The following HSPA12A variants were observed in gnomAD, a reference collection of about 807,000 sequenced individuals.
HSPA12A encodes heat shock protein family A (Hsp70) member 12A, also known as heat shock 70 kDa protein 12A.
A neutral mutation model predicts 69.2 loss-of-function variants in HSPA12A; 28 were observed. The observed-to-expected ratio is 0.40, with a 90% confidence interval of 0.30 to 0.55. HSPA12A has a LOEUF of 0.55. Among genes scored for constraint, HSPA12A ranks in the 20% least tolerant of loss-of-function variants. HSPA12A has a pLI of 0.38. For missense variants in HSPA12A, 686 were observed against 900.7 expected, an observed-to-expected ratio of 0.76 and a Z score of 3.05; for synonymous variants, 345 against 370.5, an observed-to-expected ratio of 0.93 and a Z score of 0.79.
chr10:116,692,595 A>C, intron 5 of HSPA12A, 128 bp from the exon 6 acceptor site: 1 of 687,818 alleles, frequency 1.5e-6, no homozygotes, highest in Non-Finnish European at 2.6e-6. Context: ...GGTCCCCCAA[A>C]CTTACCAGCA....
intron 2 of HSPA12A, among the ~76,000 whole-genome samples, chr10:116,752,296 T>C (rs1375343942): frequency 2.0e-5 from 3 of 152,242 alleles, no homozygotes; most frequent in Non-Finnish European, 4.4e-5. Context: ...AATGGGGCTA[T>C]GCCCTCTTTC....
chr10:116,809,186 T>C (rs895706181), intron 2 of HSPA12A, among the ~76,000 whole-genome samples: 1 of 152,120 alleles, frequency 6.6e-6, no homozygotes, highest in Non-Finnish European at 1.5e-5. Context: ...GCAGAGGCTT[T>C]TCCTGACATT....
intron 5 of HSPA12A, 143 bp downstream of exon 5, chr10:116,698,492 T>C (rs1849980764): frequency 3.5e-6 from 2 of 578,530 alleles, no homozygotes; most frequent in Non-Finnish European, 6.2e-6. Context: ...GGGTTCATCC[T>C]GTTGTGTTGA....
intron 2 of HSPA12A, among the ~76,000 whole-genome samples, chr10:116,808,310 CG>C (rs1012312603): frequency 6.3e-3 from 6 of 950 alleles, no homozygotes; most frequent in African/African-American, 0.021. Context: ...GAAAGGGGGA[CG>C]GGGGCTGGGG....
chr10:116,713,505 C>T (rs559097414), intron 1 of HSPA12A, among the ~76,000 whole-genome samples: 1 of 152,278 alleles, frequency 6.6e-6, no homozygotes, highest in African/African-American at 2.4e-5. Flanking sequence ...TCAGGCCCAT[C>T]CTGACACGGG....
At chr10:116,709,035 C>T (rs1850344989) in intron 1 of HSPA12A, among the ~76,000 whole-genome samples, 2 of 150,144 alleles carry the variant, frequency 1.3e-5, no homozygotes, top group South Asian at 4.2e-4. Context: ...AATTCCACTC[C>T]TAGGTATCTA....
At chr10:116,807,769 G>C (rs546737856) in intron 2 of HSPA12A, among the ~76,000 whole-genome samples, 11 of 152,264 alleles carry the variant, frequency 7.2e-5, no homozygotes, top group African/African-American at 2.4e-4. Flanking sequence ...CCCAATTCTG[G>C]GCTGTTTCCT....
intron 2 of HSPA12A, among the ~76,000 whole-genome samples, chr10:116,792,035 T>C (rs1844710012): frequency 1.3e-5 from 2 of 152,034 alleles, no homozygotes; most frequent in African/African-American, 4.8e-5. Flanking sequence ...CCTGGGAATG[T>C]AATAATGATA....
At chr10:116,715,007 TG>T (rs1236394617) in intron 1 of HSPA12A, among the ~76,000 whole-genome samples, 2 of 152,132 alleles carry the variant, frequency 1.3e-5, no homozygotes, top group Non-Finnish European at 2.9e-5. Context: ...CAGTTCCTGG[TG>T]ATCAACTGGA....
chr10:116,705,243 T>C lies in HSPA12A; in HGVS notation c.162A>G (p.Ser54=). 6.2e-7 allele frequency: 1 copy of C among 1,614,020 alleles called. No homozygotes were observed. Among genetic ancestry groups the C allele is most frequent in the Non-Finnish European group, 8.5e-7 (1 of 1,180,002 alleles). The change falls in exon 3 of 12, where the codon TCA becomes TCG. Residue 54 remains serine (S), a synonymous_variant. Transcript: ENST00000369209. ...AGTCGACGGCCACCACCACGAGAAA[T>C]GACTGCTGTTCTGAGACGTTGGAGT... The part of the protein sequence containing the change: ...DTDSNVSEQQ[S]FLVVVAVDFG...
intron 1 of HSPA12A, among the ~76,000 whole-genome samples, chr10:116,718,973 T>A (rs910605247): frequency 2.6e-5 from 4 of 151,632 alleles, no homozygotes; most frequent in African/African-American, 9.7e-5. Flanking sequence ...ACATGCCGGG[T>A]GTTGTAGAGG....
intron 3 of HSPA12A, among the ~76,000 whole-genome samples, chr10:116,704,650 C>A (rs1554882108): frequency 6.6e-6 from 1 of 152,048 alleles, no homozygotes; most frequent in African/African-American, 2.4e-5. Flanking sequence ...AGGGCCAGCA[C>A]CTTCCCTGCT....
rs540798923 is a variant in HSPA12A at position 116,755,291 on chromosome 10, A to G, written c.92-48006T>C. Among the ~76,000 whole-genome samples, 62 of 152,224 alleles carry G rather than the reference A, an allele frequency of 4.1e-4. 1 individual carries two copies. In the South Asian group the frequency reaches 0.012, roughly 30 times the overall value. On this transcript the variant is annotated intron_variant, in intron 2 of 12. Coordinates refer to the HSPA12A transcript ENST00000635765. Reference sequence around the variant, plus strand: ...TTAAATGTTAATTGATGCGAGGAGTACAACTGAATAAAATTACAAACATAA... The same window carrying G: ...TTAAATGTTAATTGATGCGAGGAGTGCAACTGAATAAAATTACAAACATAA...
intron 1 of HSPA12A, among the ~76,000 whole-genome samples, chr10:116,718,368 C>T (rs1850673123): frequency 6.6e-6 from 1 of 152,184 alleles, no homozygotes; most frequent in Non-Finnish European, 1.5e-5. Flanking sequence ...CATCCTTCTT[C>T]AGCTGAACCC....
upstream of HSPA12A, among the ~76,000 whole-genome samples, chr10:116,747,050 T>C (rs549928910): frequency 8.5e-5 from 13 of 152,372 alleles, no homozygotes; most frequent in African/African-American, 3.1e-4. Context: ...TCAGCCGCCT[T>C]GACCTCCAAC....
At chr10:116,844,370 GA>G (rs1014862740) in intron 1 of HSPA12A, among the ~76,000 whole-genome samples, 11 of 152,054 alleles carry the variant, frequency 7.2e-5, no homozygotes, top group African/African-American at 1.9e-4. Flanking sequence ...CATCGATGAA[GA>G]AAAAAACAAA....
At chr10:116,827,830 T>C (rs750058229) in intron 2 of HSPA12A, among the ~76,000 whole-genome samples, 23 of 152,194 alleles carry the variant, frequency 1.5e-4, no homozygotes, top group Non-Finnish European at 2.1e-4. Context: ...GCCCCACTCA[T>C]GTTCCCAAGA....
intron 2 of HSPA12A, among the ~76,000 whole-genome samples, chr10:116,773,582 T>A (rs1844263142): frequency 6.6e-6 from 1 of 152,242 alleles, no homozygotes; most frequent in Admixed American, 6.5e-5. Context: ...CCTTGACTGA[T>A]GCTAAGTAAG....
intron 2 of HSPA12A, among the ~76,000 whole-genome samples, chr10:116,821,368 A>C (rs1319640387): frequency 6.6e-6 from 1 of 152,032 alleles, no homozygotes; most frequent in Admixed American, 6.5e-5. Flanking sequence ...ATGCTCCTCC[A>C]TTGGACAGCC....
Sources: gnomAD v4.1 joint callset for allele counts (sites outside exome capture counted in the v4.1 genomes callset) on GRCh38, gnomAD v4.1.1 for gene constraint, MANE v1.5 for transcripts, NCBI Gene and HGNC (gene_info 2026-07-23, HGNC 2026-07-21) for gene names.